TMEM265: variants seen among roughly 807,000 people sequenced by gnomAD.
TMEM265 encodes transmembrane protein 265.
In TMEM265, 8 loss-of-function variants were observed where a neutral mutation model predicts 9.5. The ratio of observed to expected loss-of-function variants is 0.84; its 90% CI spans 0.49 to 1.52. The LOEUF is 1.52. Ranked by LOEUF, TMEM265 falls within the 40% of genes most tolerant of loss-of-function variation. The probability of loss-of-function intolerance (pLI) is 0.00; values close to 1 mark genes in which losing one functional copy is unlikely to be tolerated. For synonymous variants in TMEM265, 53 were observed against 56.9 expected (o/e 0.93, Z 0.31); for missense variants, 152 against 146.2 (o/e 1.04, Z -0.21).
At chr16:30,742,009 C>T (rs2053229683) in intron 2 of TMEM265, 101 bp downstream of exon 2, 5 of 1,217,312 alleles carry the variant, frequency 4.1e-6, no homozygotes, top group East Asian at 2.6e-5. Flanking sequence ...CCTATCAGTG[C>T]TCTGGGCCTA....
intron 1 of TMEM265, chr16:30,741,438 T>C (rs573141995): frequency 3.2e-5 from 9 of 284,518 alleles, no homozygotes; most frequent in East Asian, 1.9e-4. Flanking sequence ...TTTTCCTCCT[T>C]CTCGGTGTGC....
At chr16:30,741,442 G>A (rs962601119) in intron 1 of TMEM265, 13 of 292,784 alleles carry the variant, frequency 4.4e-5, no homozygotes, top group African/African-American at 1.5e-4. Flanking sequence ...CCTCCTTCTC[G>A]GTGTGCACCT....
At chr16:30,741,969 G>T in intron 2 of TMEM265, 61 bp downstream of exon 2, 2 of 1,481,928 alleles carry the variant, frequency 1.3e-6, no homozygotes, top group South Asian at 1.2e-5. Context: ...TCATGTATCT[G>T]ATCTATCTAC....
chr16:30,741,497 A>G, intron 1 of TMEM265: 1 of 442,282 alleles, frequency 2.3e-6, no homozygotes, highest in Non-Finnish European at 4.1e-6. Context: ...AATAATACAG[A>G]TAATGCCTTG....
rs2053228340 is a variant in TMEM265, at chr16:30,741,833, C to T, written c.90C>T (p.Leu30=). 6.5e-7 allele frequency: 1 copy of T among 1,533,852 alleles called. No homozygotes were observed. The highest frequency in any genetic ancestry group is 1.2e-5 in the South Asian group (1 of 83,972). Reference sequence around the variant, plus strand: ...CCATCCGCTGCTGCTGGCTCCGCCTCCGCTGCTTGGCAGCTACTAGCATTA... The same window carrying T: ...CCATCCGCTGCTGCTGGCTCCGCCTTCGCTGCTTGGCAGCTACTAGCATTA... ...PSPIRCCWLR[L]RCLAATSIIC... Residue 30 remains leucine, a synonymous_variant, in exon 2 of 3, where the codon CTC becomes CTT. Coordinates refer to ENST00000615541, the MANE Select transcript of TMEM265 (RefSeq NM_001256829.2).
chr16:30,741,975 T>G (rs989275960), intron 2 of TMEM265, 67 bp downstream of exon 2: 1 of 1,460,222 alleles, frequency 6.8e-7, no homozygotes. Context: ...ATCTGATCTA[T>G]CTACATTGAC....
chr16:30,743,518 T>C (rs2053237554), intron 2 of TMEM265, among the ~76,000 whole-genome samples: 1 of 152,292 alleles, frequency 6.6e-6, no homozygotes, highest in Middle Eastern at 3.4e-3. Flanking sequence ...TCTTGGATAG[T>C]TGGAAAGAAT....
chr16:30,744,080 G>A lies in TMEM265; in HGVS notation c.*137G>A, dbSNP rs1000965796. On this transcript the variant is annotated 3_prime_UTR_variant, in exon 3 of 3. Coordinates refer to ENST00000615541, the MANE Select transcript of TMEM265 (RefSeq NM_001256829.2). ...GACTCTCTCAAGGGGCTTTGGAAGA[G>A]CTCTTCTAGCCCTTTATAAAAGGAG... 3.2e-5 allele frequency: 32 copies of A among 1,014,816 alleles called. No individual in the cohort carries two copies. Among genetic ancestry groups the A allele is most frequent in the Non-Finnish European group, 4.2e-5 (30 of 715,640 alleles). 62.9% of individuals were successfully genotyped at this position (1,014,816 alleles called of 1,614,324 possible).
chr16:30,740,728 T>C (rs2053215955), intron 1 of TMEM265, 21 bp downstream of exon 1: 1 of 152,314 alleles, frequency 6.6e-6, no homozygotes, highest in Admixed American at 6.5e-5. Context: ...TGTTCATTTT[T>C]ACATTCTCTG....
intron 1 of TMEM265, 82 bp from the exon 2 acceptor site, chr16:30,741,659 G>T: frequency 7.1e-7 from 1 of 1,409,224 alleles, no homozygotes. Flanking sequence ...AGAACAGAAT[G>T]CTCTGAGAGG....
Position 30,743,967 on chromosome 16 carries a change from C to A in TMEM265, c.*24C>A, listed in dbSNP as rs2053241079. On this transcript the variant is annotated 3_prime_UTR_variant, in exon 3 of 3. Transcript: ENST00000615541. ...GACCCTGGATGGCCTCTGCTGAGAGCCAGCCGAGACCTCCTGGATCCTGCA... is the reference window on the plus strand; with the variant it reads ...GACCCTGGATGGCCTCTGCTGAGAGACAGCCGAGACCTCCTGGATCCTGCA... The A allele has an allele frequency of 6.6e-7, 1 of 1,526,482 alleles. No individual in the cohort carries two copies. Among genetic ancestry groups the A allele is most frequent in the Non-Finnish European group, 8.8e-7 (1 of 1,142,136 alleles). The allele number at this position is 1,526,482 out of a possible 1,614,324, so 94.6% of individuals were successfully genotyped here.
Position 30,744,273 on chromosome 16 carries a change from G to A in TMEM265, c.*330G>A, listed in dbSNP as rs1226691702. The A allele has an allele frequency of 4.8e-6, 1 of 208,524 alleles. No homozygotes were observed. The highest frequency in any genetic ancestry group is 9.4e-6 in the Non-Finnish European group (1 of 106,016). The allele number at this position is 208,524 out of a possible 1,614,324, so 12.9% of individuals were successfully genotyped here. A position where few individuals can be genotyped will look rare whatever the true frequency, so the allele number is the denominator to read the frequency against. On this transcript the variant is annotated 3_prime_UTR_variant, in exon 3 of 3. Transcript: ENST00000615541. ...CATTTTGTAATAAAAGCCTTTTTTA[G>A]TGGTGAAATACTCCTGTCTAATTGT...
rs572497229 is a variant in TMEM265 at position 30,743,434 on chromosome 16, A to G, written c.166-348A>G. ...TGAGGCCCATTGGGCTATGAGAATGAGGTGGTGTTTGGGCATGAGTGAAGT... is the reference window on the plus strand; with the variant it reads ...TGAGGCCCATTGGGCTATGAGAATGGGGTGGTGTTTGGGCATGAGTGAAGT... On this transcript the variant is annotated intron_variant, in intron 2 of 2. Coordinates refer to ENST00000615541, the MANE Select transcript of TMEM265 (RefSeq NM_001256829.2). Among the ~76,000 whole-genome samples the G allele has an allele frequency of 2.6e-5, 4 of 152,204 alleles. No homozygotes were observed. In the South Asian group the frequency reaches 8.3e-4, roughly 32 times the overall value.
chr16:30,741,729 T>TATC lies in TMEM265; in HGVS notation c.-3-11_-3-9dup. 1 of 1,530,888 alleles carries TATC rather than the reference T, an allele frequency of 6.5e-7. No homozygotes were observed. The highest frequency in any genetic ancestry group is 8.7e-7 in the Non-Finnish European group (1 of 1,144,210). 94.8% of individuals were successfully genotyped at this position (1,530,888 alleles called of 1,614,324 possible). On this transcript the variant is annotated splice_polypyrimidine_tract_variant and intron_variant, in intron 1 of 2. Coordinates refer to ENST00000615541, the MANE Select transcript of TMEM265 (RefSeq NM_001256829.2). The stretch of plus-strand genomic sequence containing the variant: ...TTGTTGGGCTCACAAGTACCTTGAC[T>TATC]ATCGCCCACAGGTGATGGAGGACGA...
rs2053240192 is a variant in TMEM265, at chr16:30,743,845, A to T, written c.229A>T (p.Lys77Ter). ...AGTGCGCTGGGGGGCCCGGGCCCGG[A>T]AACTCATCCTGGCCAGCTTTGCTGT... is the stretch of plus-strand genomic sequence containing the variant. The part of the protein sequence containing the change: ...EAVRWGARAR[K>*]LILASFAVWL... Residue 77 changes from lysine (K) to a stop codon, truncating the protein, a stop_gained, in exon 3 of 3, where the codon AAA becomes TAA. Coordinates refer to ENST00000615541, the MANE Select transcript of TMEM265 (RefSeq NM_001256829.2). LOFTEE classifies it high-confidence loss of function. 6.5e-7 allele frequency: 1 copy of T among 1,533,804 alleles called. No homozygotes were observed. Among genetic ancestry groups the T allele is most frequent in the African/African-American group, 1.4e-5 (1 of 73,034 alleles).
rs1210988409 is a variant in TMEM265, at chr16:30,743,897, C to G, written c.281C>G (p.Pro94Arg). 1 of 1,533,962 alleles carries G rather than the reference C, an allele frequency of 6.5e-7. No individual in the cohort carries two copies. ...TGGCTTGCTGTCCTCATTCTGGGTC[C>G]CCTGCTGCTGTGGTTGCTCTCCTAC... ...AVWLAVLILG[P>R]LLLWLLSYAI... Residue 94 changes from proline (P) to arginine (R), a missense_variant, in exon 3 of 3, where the codon CCC becomes CGC. Coordinates refer to ENST00000615541, the MANE Select transcript of TMEM265 (RefSeq NM_001256829.2).
At chr16:30,742,313 G>A (rs1022006642) in intron 2 of TMEM265, among the ~76,000 whole-genome samples, 1 of 152,142 alleles carries the variant, frequency 6.6e-6, no homozygotes, top group Non-Finnish European at 1.5e-5. Context: ...GTGTACAAAG[G>A]CCTGTGGAGC....
chr16:30,744,860 T>C lies in TMEM265; in HGVS notation c.*917T>C, dbSNP rs534535148. On this transcript the variant is annotated 3_prime_UTR_variant, in exon 3 of 3. Coordinates refer to ENST00000615541, the MANE Select transcript of TMEM265 (RefSeq NM_001256829.2). The stretch of plus-strand genomic sequence containing the variant: ...TGGAGATTTGAGTGATTAAAATGGA[T>C]TTTCATATCTTTTATCTTGGACCTC... The C allele has an allele frequency of 2.0e-5, 3 of 152,310 alleles. No homozygotes were observed. Among genetic ancestry groups the C allele is most frequent in the African/African-American group, 7.2e-5 (3 of 41,554 alleles). 9.4% of individuals were successfully genotyped at this position (152,310 alleles called of 1,614,324 possible).
In TMEM265 at chr16:30,740,663, T is replaced by A. The variant is rs1419359535; in HGVS notation, c.-48T>A. On this transcript the variant is annotated 5_prime_UTR_variant, in exon 1 of 3. Transcript: ENST00000615541. ...ATCACCACCCAAGCCAAACCAAAGC[T>A]GAGGCAGGAGCCGAAACTCAGAGTC... 4 of 152,256 alleles carry A rather than the reference T, an allele frequency of 2.6e-5. No individual in the cohort carries two copies. The highest frequency in any genetic ancestry group is 5.9e-5 in the Non-Finnish European group (4 of 68,074). 9.4% of individuals were successfully genotyped at this position (152,256 alleles called of 1,614,324 possible). A position where few individuals can be genotyped will look rare whatever the true frequency, so the allele number is the denominator to read the frequency against.
Sources: allele counts gnomAD v4.1 joint callset (sites outside exome capture counted in the v4.1 genomes callset), GRCh38; gene constraint gnomAD v4.1.1; transcripts MANE v1.5; gene names NCBI Gene and HGNC (gene_info 2026-07-23, HGNC 2026-07-21).